The following COL5A2 variants were observed in gnomAD, a reference collection of about 807,000 sequenced individuals.
The protein encoded by COL5A2 is collagen type V alpha 2 chain.
A neutral mutation model predicts 208.2 loss-of-function variants in COL5A2; 23 were observed. That is an observed-to-expected ratio of 0.11 (90% CI 0.08 to 0.16). The LOEUF (loss-of-function observed/expected upper bound fraction) is 0.16, where lower values mean the gene tolerates loss of function less well. Ranked by LOEUF, COL5A2 falls within the 10% of genes least tolerant of loss-of-function variation. The pLI is 1.00. For synonymous variants in COL5A2, 625 were observed against 628.5 expected (o/e 0.99, Z 0.08); for missense variants, 1,590 against 1,956.4 (o/e 0.81, Z 3.53).
the COL5A2 span, among the ~76,000 whole-genome samples, chr2:189,391,957 A>G: frequency 6.6e-6 from 1 of 152,064 alleles, no homozygotes; most frequent in Admixed American, 6.6e-5. Flanking sequence ...CTATTAGGGA[A>G]CTAGTCTATA....
At chr2:189,119,239 GCAAA>G (rs1687453846) in intron 1 of COL5A2, among the ~76,000 whole-genome samples, 2 of 152,116 alleles carry the variant, frequency 1.3e-5, no homozygotes, top group South Asian at 4.1e-4. Context: ...GACAAGAAAA[GCAAA>G]CAGACAAGGA....
intron 1 of COL5A2, among the ~76,000 whole-genome samples, chr2:189,209,770 G>T (rs377526611): frequency 6.6e-6 from 1 of 152,172 alleles, no homozygotes; most frequent in African/African-American, 2.4e-5. Flanking sequence ...AACTGCAATG[G>T]AAAACAAAAC....
At chr2:189,097,669 T>C (rs1438164999) in intron 5 of COL5A2, 1 of 507,214 alleles carries the variant, frequency 2.0e-6, no homozygotes, top group Admixed American at 2.3e-5. Context: ...GCCACTAAAC[T>C]CTGAGCACAA....
At chr2:189,311,692 A>G in the COL5A2 span, 3 of 752,664 alleles carry the variant, frequency 4.0e-6, no homozygotes, top group African/African-American at 5.1e-5. Context: ...CTCCAACCTC[A>G]GTGGACTGCA....
At chr2:189,104,785 G>T (rs900214227) in intron 2 of COL5A2, among the ~76,000 whole-genome samples, 1 of 151,510 alleles carries the variant, frequency 6.6e-6, no homozygotes, top group African/African-American at 2.4e-5. Flanking sequence ...GTTTAGTTTG[G>T]AATATTTAAG....
At chr2:189,087,542 C>T (rs1473075007) in intron 8 of COL5A2, among the ~76,000 whole-genome samples, 1 of 151,712 alleles carries the variant, frequency 6.6e-6, no homozygotes, top group Admixed American at 6.6e-5. Context: ...GGGCTCACTG[C>T]AAGCTCCACC....
intron 1 of COL5A2, among the ~76,000 whole-genome samples, chr2:189,166,678 T>C (rs1015915983): frequency 1.3e-5 from 2 of 152,222 alleles, no homozygotes; most frequent in Non-Finnish European, 2.9e-5. Context: ...CTGAATTTTA[T>C]TCGTCTGTAG....
At chr2:189,377,888 T>C in the COL5A2 span, among the ~76,000 whole-genome samples, 1 of 152,218 alleles carries the variant, frequency 6.6e-6, no homozygotes, top group African/African-American at 2.4e-5. Flanking sequence ...ATAATTTGTA[T>C]TGAATAAATG....
intron 51 of COL5A2, 37 bp from the exon 52 acceptor site, chr2:189,036,840 A>C (rs1559072316): frequency 7.0e-7 from 1 of 1,426,642 alleles, no homozygotes. Context: ...AAATAAAGAC[A>C]ATCTCAATCA....
chr2:189,110,510 A>G (rs960582400), intron 1 of COL5A2, 61 bp from the exon 2 acceptor site: 1 of 1,506,228 alleles, frequency 6.6e-7, no homozygotes, highest in Non-Finnish European at 9.2e-7. Context: ...AGAAAATAAA[A>G]GGTGAGCCAT....
At chr2:189,236,153 C>T in the COL5A2 span, among the ~76,000 whole-genome samples, 2 of 151,676 alleles carry the variant, frequency 1.3e-5, no homozygotes, top group African/African-American at 4.8e-5. Flanking sequence ...CACCATGTTT[C>T]CTCTGGATTT....
chr2:189,285,365 C>T, the COL5A2 span, among the ~76,000 whole-genome samples: 1 of 152,068 alleles, frequency 6.6e-6, no homozygotes, highest in Admixed American at 6.6e-5. Flanking sequence ...AACATTGCTC[C>T]TAATTCCAGG....
Position 189,188,834 on chromosome 2 carries a change from C to T in COL5A2, c.-42+36314G>A, listed in dbSNP as rs181362465. On this transcript the variant is annotated intron_variant, in intron 1 of 10. Coordinates refer to the COL5A2 transcript ENST00000649966. The stretch of plus-strand genomic sequence containing the variant: ...ATGTGGCGACCAGAGGTCTGGGAAA[C>T]GTGTCTTTTCTTGCTATAGAGAGGG... 4.3e-4 allele frequency among the ~76,000 whole-genome samples: 65 copies of T among 152,286 alleles called. 1 individual carries two copies. The highest frequency in any genetic ancestry group is 1.2e-3 in the African/African-American group (48 of 41,556).
the COL5A2 span, among the ~76,000 whole-genome samples, chr2:189,292,409 G>A: frequency 6.6e-6 from 1 of 152,032 alleles, no homozygotes; most frequent in Non-Finnish European, 1.5e-5. Context: ...GTTAGAGCCT[G>A]CAAAAAGAAC....
the COL5A2 span, among the ~76,000 whole-genome samples, chr2:189,291,085 T>A: frequency 2.0e-5 from 3 of 152,128 alleles, no homozygotes; most frequent in African/African-American, 7.2e-5. Flanking sequence ...AATTTAAGAA[T>A]ATTTAACTAA....
upstream of COL5A2, among the ~76,000 whole-genome samples, chr2:189,226,691 G>A (rs150606187): frequency 4.5e-4 from 68 of 152,234 alleles, 1 homozygote; most frequent in African/African-American, 1.6e-3. Context: ...CTGGGTGTAT[G>A]CTGCTACTCC....
At chr2:189,054,301 C>T (rs1482880067) in intron 35 of COL5A2, 89 bp from the exon 36 acceptor site, 2 of 973,736 alleles carry the variant, frequency 2.1e-6, no homozygotes, top group Non-Finnish European at 3.3e-6. Flanking sequence ...AAAGAAACGA[C>T]TATTTTGTTA....
At chr2:189,436,831 C>T in the COL5A2 span, among the ~76,000 whole-genome samples, 1 of 152,092 alleles carries the variant, frequency 6.6e-6, no homozygotes, top group Admixed American at 6.6e-5. Flanking sequence ...AGGGGAACAA[C>T]ACACACTGGG....
At chr2:189,063,551 TG>T (rs1686080985) in intron 26 of COL5A2, among the ~76,000 whole-genome samples, 1 of 152,216 alleles carries the variant, frequency 6.6e-6, no homozygotes. Context: ...TCATTTACTC[TG>T]GTTTGTGGTA....
Sources: allele counts gnomAD v4.1 joint callset (sites outside exome capture counted in the v4.1 genomes callset), GRCh38; gene constraint gnomAD v4.1.1; transcripts MANE v1.5; gene names NCBI Gene and HGNC (gene_info 2026-07-23, HGNC 2026-07-21).